The following AGTR2 variants were observed in gnomAD, a reference collection of about 807,000 sequenced individuals.
The protein encoded by AGTR2 is type-2 angiotensin II receptor.
A neutral mutation model predicts 14.2 loss-of-function variants in AGTR2; 15 were observed. The ratio of observed to expected loss-of-function variants is 1.05; its 90% confidence interval spans 0.70 to 1.62. AGTR2 has a LOEUF of 1.62. AGTR2 is among the 40% of genes most tolerant of loss of function. AGTR2 has a pLI of 0.00. For synonymous variants in AGTR2, 101 were observed against 98.5 expected (o/e 1.03, Z -0.15); for missense variants, 274 against 273.1 (o/e 1.00, Z -0.02).
intron 2 of AGTR2, 57 bp downstream of exon 2, chrX:116,171,084 A>G (rs1467191912): frequency 9.0e-6 from 1 of 111,582 alleles, no homozygotes; most frequent in Non-Finnish European, 1.9e-5. Flanking sequence ...GTTAGGTCAA[A>G]AGAAAAATCT....
rs1163188247 is a variant in AGTR2 at position 116,173,151 on chromosome X, G to A, written c.871G>A (p.Glu291Lys). Residue 291 changes from glutamate to lysine, a missense_variant, in exon 3 of 3, where the codon GAA becomes AAA. Glu to Lys is a moderately conservative substitution (Grantham distance 56). Transcript: ENST00000371906. ...CTGGATGGGTGTCATTAATAGCTGC[G>A]AAGTTATAGCAGTCATTGACCTGGC... ...LAWMGVINSC[E>K]VIAVIDLALP... 2.5e-6 allele frequency: 3 copies of A among 1,207,504 alleles called. No homozygotes were observed. The highest frequency in any genetic ancestry group is 2.2e-5 in the Admixed American group (1 of 45,750).
chrX:116,172,158 G>C (rs1001070750), intron 2 of AGTR2, 88 bp from the exon 3 acceptor site: 1 of 805,937 alleles, frequency 1.2e-6, no homozygotes. Flanking sequence ...CTTTTTTTTT[G>C]CTTTTGACAA....
Position 116,172,771 on chromosome X carries a change from T to C in AGTR2, c.491T>C (p.Val164Ala). The change falls in exon 3 of 3, where the codon GTT becomes GCT. Residue 164 changes from valine to alanine, a missense_variant. Transcript: ENST00000371906. Reference sequence around the variant, plus strand: ...AATCCCTGGCAAGCATCTTATATAGTTCCCCTTGTTTGGTGTATGGCCTGT... The same window carrying C: ...AATCCCTGGCAAGCATCTTATATAGCTCCCCTTGTTTGGTGTATGGCCTGT... ...RRNPWQASYI[V>A]PLVWCMACLS... The C allele has an allele frequency of 8.3e-7, 1 of 1,211,186 alleles. No homozygotes were observed. Among genetic ancestry groups the C allele is most frequent in the Non-Finnish European group, 1.1e-6 (1 of 895,080 alleles).
rs1318322905 is a variant in AGTR2 at position 116,174,252 on chromosome X, T to A, written c.*880T>A. 1 of 122,943 alleles carries A rather than the reference T, an allele frequency of 8.1e-6. No individual in the cohort carries two copies. The highest frequency in any genetic ancestry group is 3.3e-5 in the African/African-American group (1 of 30,728). The allele number at this position is 122,943 out of a possible 1,213,427, so 10.1% of individuals were successfully genotyped here. On this transcript the variant is annotated 3_prime_UTR_variant, in exon 3 of 3. Transcript: ENST00000371906. ...ATATAGGACATTGATTTGATTTTTA[T>A]TATTAATGCTTTGGTTCTGGGTTGT...
rs1410804429 is a variant in AGTR2 at position 116,170,766 on chromosome X, G to C, written c.-146G>C. ...GGTGCTATTACGTCCCAGCGTCTGA[G>C]AGAACGAGTAAGCACAGAATTCAAA... On this transcript the variant is annotated 5_prime_UTR_variant, in exon 1 of 3. Transcript: ENST00000371906. 1.8e-5 allele frequency: 2 copies of C among 111,745 alleles called. No homozygotes were observed. Among genetic ancestry groups the C allele is most frequent in the African/African-American group, 6.5e-5 (2 of 30,792 alleles). 9.2% of individuals were successfully genotyped at this position (111,745 alleles called of 1,213,427 possible).
At position 116,173,775 on chromosome X, in the gene AGTR2, A is replaced by G. The variant is rs1922548074; in HGVS notation, c.*403A>G. 4 of 189,271 alleles carry G rather than the reference A, an allele frequency of 2.1e-5. No individual in the cohort carries two copies. Among genetic ancestry groups the G allele is most frequent in the Non-Finnish European group, 4.2e-5 (4 of 95,208 alleles). 15.6% of individuals were successfully genotyped at this position (189,271 alleles called of 1,213,427 possible). On this transcript the variant is annotated 3_prime_UTR_variant, in exon 3 of 3. Coordinates refer to ENST00000371906, the MANE Select transcript of AGTR2 (RefSeq NM_000686.5). ...CTTTCAACTCATTGCATCATTTACA[A>G]GACAACATTGTAAGAGAGATGAGCA...
rs936767941 is a variant in AGTR2 at position 116,173,206 on chromosome X, C to A, written c.926C>A (p.Thr309Asn). The A allele has an allele frequency of 2.5e-6, 3 of 1,208,688 alleles. No individual in the cohort carries two copies. The highest frequency in any genetic ancestry group is 3.4e-6 in the Non-Finnish European group (3 of 894,586). ...ALPFAILLGF[T>N]NSCVNPFLYC... ...CCTTTTGCCATCCTCTTGGGATTCACCAACAGCTGCGTTAATCCGTTTCTG... is the reference window on the plus strand; with the variant it reads ...CCTTTTGCCATCCTCTTGGGATTCAACAACAGCTGCGTTAATCCGTTTCTG... The change falls in exon 3 of 3, where the codon ACC (threonine) becomes AAC (asparagine). Residue 309 changes from threonine to asparagine, a missense_variant. Physicochemically the swap from Thr to Asn is moderately conservative, Grantham distance 65 (BLOSUM62 0). Transcript: ENST00000371906.
In AGTR2 at chrX:116,173,667, A is replaced by T; in HGVS notation, c.*295A>T. 1 of 269,102 alleles carries T rather than the reference A, an allele frequency of 3.7e-6. No individual in the cohort carries two copies. The highest frequency in any genetic ancestry group is 6.8e-6 in the Non-Finnish European group (1 of 146,374). The allele number at this position is 269,102 out of a possible 1,213,427, so 22.2% of individuals were successfully genotyped here. The stretch of plus-strand genomic sequence containing the variant: ...TGTGAATAATGATTTGGGGATTCAG[A>T]TTTCTCTTTGAAACATGCTTGTGTT... On this transcript the variant is annotated 3_prime_UTR_variant, in exon 3 of 3. Transcript: ENST00000371906.
chrX:116,172,970 C>A lies in AGTR2; in HGVS notation c.690C>A (p.Cys230Ter). 1 of 1,210,862 alleles carries A rather than the reference C, an allele frequency of 8.3e-7. No individual in the cohort carries two copies. The highest frequency in any genetic ancestry group is 1.1e-6 in the Non-Finnish European group (1 of 895,138). The change falls in exon 3 of 3, where the codon TGC (cysteine) becomes TGA (stop). Residue 230 changes from cysteine to a stop codon, truncating the protein, a stop_gained. Coordinates refer to ENST00000371906, the MANE Select transcript of AGTR2 (RefSeq NM_000686.5). LOFTEE classifies it high-confidence loss of function. ...FIIPLIFIAT[C>*]YFGIRKHLLK... is the part of the protein sequence containing the mutation. ...TCCCTTTAATATTCATAGCAACATG[C>A]TATTTTGGAATTAGAAAACACTTAC...
rs145201241 is a variant in AGTR2 at position 116,171,297 on chromosome X, G to T, written c.-36+270G>T. On this transcript the variant is annotated intron_variant, in intron 2 of 2. Transcript: ENST00000371906. ...AAAAAATCACAAAAACCTCAACACT[G>T]TAACGTTTGAGAGCAACGGCTATTC... 1.6e-3 allele frequency among the ~76,000 whole-genome samples: 171 copies of T among 108,712 alleles called. 2 individuals carry two copies. The highest frequency in any genetic ancestry group is 5.2e-3 in the African/African-American group (155 of 30,076). 94.4% of individuals were successfully genotyped at this position (108,712 alleles called of 115,157 possible). A position where few individuals can be genotyped will look rare whatever the true frequency, so the allele number is the denominator to read the frequency against.
chrX:116,172,174 C>T (rs1414421145), intron 2 of AGTR2, 72 bp from the exon 3 acceptor site: 1 of 994,051 alleles, frequency 1.0e-6, no homozygotes, highest in Admixed American at 2.5e-5. Flanking sequence ...GACAAACATT[C>T]AAAATGCTAA....
In AGTR2 at chrX:116,173,364, G is replaced by T. The variant is rs782525081; in HGVS notation, c.1084G>T (p.Val362Leu). 8.3e-7 allele frequency: 1 copy of T among 1,209,639 alleles called. No individual in the cohort carries two copies. The highest frequency in any genetic ancestry group is 1.1e-6 in the Non-Finnish European group (1 of 895,010). ...SSSLREMETF[V>L]S Reference sequence around the variant, plus strand: ...TTCTCTTAGAGAAATGGAGACCTTTGTGTCTTAAACGTGAGAGCAAAATGC... The same window carrying T: ...TTCTCTTAGAGAAATGGAGACCTTTTTGTCTTAAACGTGAGAGCAAAATGC... The change falls in exon 3 of 3, where the codon GTG (valine) becomes TTG (leucine). Residue 362 changes from valine (V) to leucine (L), a missense_variant. Val to Leu is a conservative substitution (Grantham distance 32). Coordinates refer to ENST00000371906, the MANE Select transcript of AGTR2 (RefSeq NM_000686.5).
chrX:116,172,608 T>G lies in AGTR2; in HGVS notation c.328T>G (p.Trp110Gly), dbSNP rs1487014301. 5.8e-6 allele frequency: 7 copies of G among 1,211,432 alleles called. No individual in the cohort carries two copies. The highest frequency in any genetic ancestry group is 7.8e-6 in the Non-Finnish European group (7 of 895,293). The change falls in exon 3 of 3, where the codon TGG (tryptophan) becomes GGG (glycine). Residue 110 changes from tryptophan to glycine, a missense_variant. Coordinates refer to ENST00000371906, the MANE Select transcript of AGTR2 (RefSeq NM_000686.5). ...AACCTATTATTCTTATAGATATGAC[T>G]GGCTCTTTGGACCTGTGATGTGCAA... ...WATYYSYRYD[W>G]LFGPVMCKVF...
chrX:116,171,465 A>T (rs782682447), intron 2 of AGTR2, among the ~76,000 whole-genome samples: 1 of 110,627 alleles, frequency 9.0e-6, no homozygotes, highest in Non-Finnish European at 1.9e-5. Context: ...TTTTTTCTTT[A>T]TCTGATTTAA....
Position 116,172,859 on chromosome X carries a change from T to A in AGTR2, c.579T>A (p.Asn193Lys), listed in dbSNP as rs1556673778. Reference protein sequence around the residue: ...DVRTIEYLGVNACIMAFPPEK... With the variant: ...DVRTIEYLGVKACIMAFPPEK... ...GAACCATTGAATACTTAGGAGTGAA[T>A]GCTTGCATTATGGCTTTCCCACCTG... is the stretch of plus-strand genomic sequence containing the variant. The change falls in exon 3 of 3, where the codon AAT becomes AAA. Residue 193 changes from asparagine (N) to lysine (K), a missense_variant. Asn to Lys is a moderately conservative substitution (Grantham distance 94, BLOSUM62 0). Coordinates refer to ENST00000371906, the MANE Select transcript of AGTR2 (RefSeq NM_000686.5). The A allele has an allele frequency of 1.7e-6, 2 of 1,211,825 alleles. No individual in the cohort carries two copies. The highest frequency in any genetic ancestry group is 3.0e-5 in the East Asian group (1 of 33,839).
chrX:116,173,853 G>T lies in AGTR2; in HGVS notation c.*481G>T. On this transcript the variant is annotated 3_prime_UTR_variant, in exon 3 of 3. Coordinates refer to ENST00000371906, the MANE Select transcript of AGTR2 (RefSeq NM_000686.5). ...TTAGTACTGGATTATTCAGGCTTTA[G>T]GCATATGCTTCTTTAAAAAAGCTAT... 7.6e-6 allele frequency: 1 copy of T among 130,730 alleles called. No homozygotes were observed. Among genetic ancestry groups the T allele is most frequent in the Non-Finnish European group, 1.8e-5 (1 of 56,980 alleles). The allele number at this position is 130,730 out of a possible 1,213,427, so 10.8% of individuals were successfully genotyped here. A position where few individuals can be genotyped will look rare whatever the true frequency, so the allele number is the denominator to read the frequency against.
chrX:116,172,946 C>T lies in AGTR2; in HGVS notation c.666C>T (p.Ile222=), dbSNP rs782437622. Residue 222 remains isoleucine (I), a synonymous_variant, in exon 3 of 3, where the codon ATC becomes ATT. Coordinates refer to ENST00000371906, the MANE Select transcript of AGTR2 (RefSeq NM_000686.5). ...TGAAAAATATCCTTGGTTTTATTAT[C>T]CCTTTAATATTCATAGCAACATGCT... is the stretch of plus-strand genomic sequence containing the variant. ...ALMKNILGFI[I]PLIFIATCYF... 4 of 1,210,112 alleles carry T rather than the reference C, an allele frequency of 3.3e-6. No homozygotes were observed. The highest frequency in any genetic ancestry group is 2.2e-5 in the Admixed American group (1 of 45,877).
chrX:116,172,511 G>T lies in AGTR2; in HGVS notation c.231G>T (p.Lys77Asn), dbSNP rs138706948. The change falls in exon 3 of 3, where the codon AAG becomes AAT. Residue 77 changes from lysine (K) to asparagine (N), a missense_variant. Lys to Asn is a moderately conservative substitution (Grantham distance 94). Coordinates refer to ENST00000371906, the MANE Select transcript of AGTR2 (RefSeq NM_000686.5). The stretch of plus-strand genomic sequence containing the variant: ...TTTGTTGTCAAAAGGGTCCTAAAAA[G>T]GTTTCTAGCATATACATCTTCAACC... The part of the protein sequence containing the change: ...TLFCCQKGPK[K>N]VSSIYIFNLA... 3.2e-4 allele frequency: 387 copies of T among 1,209,433 alleles called. No individual in the cohort carries two copies. The highest frequency in any genetic ancestry group is 4.0e-4 in the Non-Finnish European group (362 of 895,018).
Position 116,173,306 on chromosome X carries a change from GA to G in AGTR2, c.1030del (p.Arg344GlufsTer43). The G allele has an allele frequency of 1.7e-6, 2 of 1,211,364 alleles. No individual in the cohort carries two copies. The highest frequency in any genetic ancestry group is 2.2e-6 in the Non-Finnish European group (2 of 895,269). ...GGGTTCCAATTACTTGGCTCCAAGG[GA>G]AAAGAGAGAGTATGTCTTGCCGGAA... is the stretch of plus-strand genomic sequence containing the variant. ...FRVPITWLQG[K>X]RESMSCRKSS... On this transcript the variant is annotated frameshift_variant, in exon 3 of 3. Transcript: ENST00000371906. LOFTEE classifies it high-confidence loss of function.
Sources: gnomAD v4.1 joint callset for allele counts (sites outside exome capture counted in the v4.1 genomes callset) on GRCh38, gnomAD v4.1.1 for gene constraint, MANE v1.5 for transcripts, NCBI Gene and HGNC (gene_info 2026-07-23, HGNC 2026-07-21) for gene names.